Variants in GBP2 observed in about 807,000 individuals in gnomAD.
The protein encoded by GBP2 is guanylate-binding protein 2.
Under a neutral mutation model 60.8 loss-of-function variants are expected in GBP2, and 54 were observed. The ratio of observed to expected loss-of-function variants is 0.89; its 90% CI spans 0.71 to 1.11. The LOEUF is 1.11. GBP2 is among the 50% of genes most tolerant of loss of function. The pLI is 0.00. For missense variants in GBP2, 665 were observed against 703.3 expected, an observed-to-expected ratio of 0.95 and a Z score of 0.62; for synonymous variants, 243 against 256.5, an observed-to-expected ratio of 0.95 and a Z score of 0.50.
chr1:89,109,598 G>C, intron 10 of GBP2, 79 bp downstream of exon 10: 1 of 1,287,636 alleles, frequency 7.8e-7, no homozygotes, highest in South Asian at 1.3e-5. Context: ...TTTTTTGGGA[G>C]GCATTAGGTT....
chr1:89,119,074 GA>G, intron 4 of GBP2: 1 of 152,224 alleles, frequency 6.6e-6, no homozygotes, highest in East Asian at 1.9e-4. Context: ...ACTGAAAGCA[GA>G]AAAAGAAAAG....
rs1195878913 is a variant in GBP2 at position 89,106,857 on chromosome 1, A to C, written c.*1318T>G. The C allele has an allele frequency of 1.3e-5, 2 of 152,148 alleles. No homozygotes were observed. The highest frequency in any genetic ancestry group is 2.9e-5 in the Non-Finnish European group (2 of 68,032). The allele number at this position is 152,148 out of a possible 1,614,324, so 9.4% of individuals were successfully genotyped here. On this transcript the variant is annotated 3_prime_UTR_variant, in exon 11 of 11. Transcript: ENST00000370466. ...GGTAGGGGAGTATTTGTTTACTGAA[A>C]ATGTGAAGGTGGTGGCATCCATTTA...
intron 8 of GBP2, 68 bp from the exon 9 acceptor site, chr1:89,110,334 T>C (rs1681138064): frequency 8.7e-7 from 1 of 1,143,510 alleles, no homozygotes; most frequent in Non-Finnish European, 1.3e-6. Flanking sequence ...ATCCCACCAC[T>C]GGGTATCTAC....
At chr1:89,108,490 G>GT (rs1323038126) in intron 10 of GBP2, among the ~76,000 whole-genome samples, 199 bp from the exon 11 acceptor site, 3 of 152,262 alleles carry the variant, frequency 2.0e-5, no homozygotes, top group African/African-American at 7.2e-5. Context: ...AAATATTAGT[G>GT]ACCCAGCGTT....
intron 5 of GBP2, 24 bp from the exon 6 acceptor site, chr1:89,117,258 A>G (rs200947484): frequency 6.3e-6 from 10 of 1,575,186 alleles, no homozygotes; most frequent in Middle Eastern, 3.3e-4. Flanking sequence ...AATTAGAAGT[A>G]GTAAAACTTC....
At chr1:89,121,541 TATTAAC>T (rs1681397096) in intron 2 of GBP2, among the ~76,000 whole-genome samples, 1 of 152,236 alleles carries the variant, frequency 6.6e-6, no homozygotes, top group African/African-American at 2.4e-5. Flanking sequence ...TAATTTTCTT[TATTAAC>T]ATTGTGTTCC....
At chr1:89,121,369 G>T (rs1681393672) in intron 2 of GBP2, 99 bp from the exon 3 acceptor site, 3 of 1,079,302 alleles carry the variant, frequency 2.8e-6, no homozygotes, top group Non-Finnish European at 3.9e-6. Flanking sequence ...AGAGATAAAA[G>T]AAAATACAAC....
At chr1:89,118,689 G>C (rs923839409) in intron 4 of GBP2, 2 of 152,220 alleles carry the variant, frequency 1.3e-5, no homozygotes, top group Non-Finnish European at 2.9e-5. Flanking sequence ...AATGGAGCAA[G>C]TAGTGAGAAT....
At chr1:89,121,649 G>C (rs1256075078) in intron 2 of GBP2, 128 bp downstream of exon 2, 2 of 939,080 alleles carry the variant, frequency 2.1e-6, no homozygotes, top group Non-Finnish European at 3.2e-6. Context: ...AATGTAAAGA[G>C]CCCATTAATG....
intron 5 of GBP2, 52 bp from the exon 6 acceptor site, chr1:89,117,286 T>C (rs1415688090): frequency 6.9e-7 from 1 of 1,442,694 alleles, no homozygotes; most frequent in Non-Finnish European, 9.6e-7. Context: ...TTACTTCAAA[T>C]ATGATCTTTC....
At chr1:89,119,918 GT>G in intron 4 of GBP2, 1 of 395,942 alleles carries the variant, frequency 2.5e-6, no homozygotes, top group Non-Finnish European at 4.7e-6. Flanking sequence ...GACATTGAAG[GT>G]TTGGACAGGC....
intron 5 of GBP2, 91 bp from the exon 6 acceptor site, chr1:89,117,325 A>G (rs1681298358): frequency 1.7e-6 from 2 of 1,175,494 alleles, no homozygotes; most frequent in Non-Finnish European, 2.4e-6. Context: ...AAGCCCATGT[A>G]AGGAGGAAAT....
At chr1:89,112,767 C>T in intron 7 of GBP2, 83 bp from the exon 8 acceptor site, 4 of 1,125,154 alleles carry the variant, frequency 3.6e-6, no homozygotes, top group Non-Finnish European at 4.0e-6. Flanking sequence ...AAATGCTTCT[C>T]CTTCAGAAAT....
At chr1:89,117,369 T>A in intron 5 of GBP2, 135 bp from the exon 6 acceptor site, 1 of 936,356 alleles carries the variant, frequency 1.1e-6, no homozygotes, top group Non-Finnish European at 1.6e-6. Flanking sequence ...ATTAAAGGGG[T>A]AGAGAAAGGA....
chr1:89,114,431 T>A, intron 6 of GBP2, 135 bp from the exon 7 acceptor site: 1 of 1,085,166 alleles, frequency 9.2e-7, no homozygotes, highest in Non-Finnish European at 1.3e-6. Context: ...AATAATTTGT[T>A]AACCTCTAAT....
rs372892988 is a variant in GBP2 at position 89,117,151 on chromosome 1, C to T, written c.709G>A (p.Asp237Asn). The change falls in exon 6 of 11, where the codon GAT (aspartate) becomes AAT (asparagine). Residue 237 changes from aspartate to asparagine, a missense_variant. Coordinates refer to ENST00000370466, the MANE Select transcript of GBP2 (RefSeq NM_004120.5). ...AGGTACTTCTTAGGAGCGGGCCAAT[C>T]GAAGACGAAGCACTTCCTCTTGGGG... ...FFPKRKCFVFDWPAPKKYLAH... is the reference protein window; with the variant it reads ...FFPKRKCFVFNWPAPKKYLAH... 6.1e-5 allele frequency: 99 copies of T among 1,614,000 alleles called. No individual in the cohort carries two copies. The highest frequency in any genetic ancestry group is 6.0e-5 in the Non-Finnish European group (71 of 1,180,026).
rs778993485 is a variant in GBP2, at chr1:89,114,170, T to A, written c.995A>T (p.His332Leu). Residue 332 changes from histidine (H) to leucine (L), a missense_variant, in exon 7 of 11, where the codon CAC (histidine) becomes CTC (leucine). Transcript: ENST00000370466. Reference sequence around the variant, plus strand: ...CTTCTGGCCCATCTGCTGTTCATAGTGGGCAATAGCCTTTTCCACTGCGGC... The same window carrying A: ...CTTCTGGCCCATCTGCTGTTCATAGAGGGCAATAGCCTTTTCCACTGCGGC... The part of the protein sequence containing the change: ...NSAAVEKAIA[H>L]YEQQMGQKVQ... 5.0e-6 allele frequency: 8 copies of A among 1,614,142 alleles called. No individual in the cohort carries two copies. Among genetic ancestry groups the A allele is most frequent in the Non-Finnish European group, 6.8e-6 (8 of 1,180,050 alleles).
intron 4 of GBP2, chr1:89,118,527 G>C (rs1681329086): frequency 6.6e-6 from 1 of 152,070 alleles, no homozygotes; most frequent in Non-Finnish European, 1.5e-5. Flanking sequence ...TGGGTATTAA[G>C]TGAAGAGAGG....
intron 8 of GBP2, among the ~76,000 whole-genome samples, chr1:89,111,944 T>C (rs1174914287): frequency 1.3e-5 from 2 of 152,202 alleles, no homozygotes; most frequent in Admixed American, 6.5e-5. Flanking sequence ...ATGTACCATA[T>C]GTACCCACAA....
Sources: gnomAD v4.1 joint callset for allele counts (sites outside exome capture counted in the v4.1 genomes callset) on GRCh38, gnomAD v4.1.1 for gene constraint, MANE v1.5 for transcripts, NCBI Gene and HGNC (gene_info 2026-07-23, HGNC 2026-07-21) for gene names.